CPED1: variants seen among roughly 807,000 people sequenced by gnomAD.
CPED1 encodes the protein cadherin-like and PC-esterase domain-containing protein 1.
A neutral mutation model predicts 128.2 loss-of-function variants in CPED1; 114 were observed. The observed-to-expected ratio is 0.89, with a 90% CI of 0.76 to 1.04. The LOEUF (loss-of-function observed/expected upper bound fraction) is 1.04. Ranked by LOEUF, CPED1 falls within the 50% of genes least tolerant of loss-of-function variation. The pLI, the probability that CPED1 is intolerant of heterozygous loss-of-function variation, is 0.00. For synonymous variants in CPED1, 462 were observed against 426.7 expected (o/e 1.08, Z -1.02); for missense variants, 1,211 against 1,207.1 (o/e 1.00, Z -0.05).
intron 16 of CPED1, among the ~76,000 whole-genome samples, chr7:121,180,170 T>C (rs998818904): frequency 2.6e-5 from 4 of 151,970 alleles, no homozygotes; most frequent in Non-Finnish European, 4.4e-5. Context: ...TTCCCAACAC[T>C]TGGGCAAACT....
chr7:121,271,441 T>C lies in CPED1; in HGVS notation c.2868+11T>C. 6.2e-7 allele frequency: 1 copy of C among 1,608,726 alleles called. No homozygotes were observed. The highest frequency in any genetic ancestry group is 8.5e-7 in the Non-Finnish European group (1 of 1,177,168). On this transcript the variant is annotated intron_variant, in intron 22 of 22. Coordinates refer to ENST00000310396, the MANE Select transcript of CPED1 (RefSeq NM_024913.5). ...TGTCATTTCCATGAGGTATTTATGC[T>C]GGCTATCTGAGTTTTATAGCTTTTG...
intron 7 of CPED1, among the ~76,000 whole-genome samples, chr7:121,115,434 AC>A (rs1416468286): frequency 1.3e-5 from 2 of 152,144 alleles, no homozygotes; most frequent in African/African-American, 4.8e-5. Flanking sequence ...TCTTTATTGT[AC>A]AACCAGAACT....
At chr7:121,110,998 G>C (rs1795094036) in intron 7 of CPED1, among the ~76,000 whole-genome samples, 1 of 152,152 alleles carries the variant, frequency 6.6e-6, no homozygotes, top group Non-Finnish European at 1.5e-5. Flanking sequence ...GAGGGTTCAA[G>C]GATGACTCTT....
chr7:121,120,087 TG>T (rs1361918694), intron 7 of CPED1, among the ~76,000 whole-genome samples: 1 of 152,260 alleles, frequency 6.6e-6, no homozygotes, highest in African/African-American at 2.4e-5. Context: ...TGCCTTCAAA[TG>T]TCAATAATGC....
chr7:121,002,335 CT>C (rs1791883104), intron 2 of CPED1, among the ~76,000 whole-genome samples: 1 of 152,130 alleles, frequency 6.6e-6, no homozygotes. Flanking sequence ...ACTACCCGAC[CT>C]TAGCAAAGCA....
At chr7:121,258,394 T>C (rs185591410) in intron 18 of CPED1, among the ~76,000 whole-genome samples, 8 of 152,112 alleles carry the variant, frequency 5.3e-5, no homozygotes, top group Admixed American at 4.6e-4. Context: ...AAAGTAGAGG[T>C]GGGCACTGGA....
intron 3 of CPED1, among the ~76,000 whole-genome samples, chr7:121,025,793 C>A (rs2116843252): frequency 6.6e-6 from 1 of 152,138 alleles, no homozygotes; most frequent in East Asian, 1.9e-4. Context: ...ATGCAATATC[C>A]CCCTCAGGAG....
At chr7:121,229,590 TTA>T (rs1323147033) in intron 16 of CPED1, among the ~76,000 whole-genome samples, 1 of 152,034 alleles carries the variant, frequency 6.6e-6, no homozygotes, top group Non-Finnish European at 1.5e-5. Context: ...TTTACAGTAC[TTA>T]TATATGGCAC....
At chr7:121,268,771 T>A (rs1792180440) in intron 21 of CPED1, among the ~76,000 whole-genome samples, 1 of 151,844 alleles carries the variant, frequency 6.6e-6, no homozygotes, top group Non-Finnish European at 1.5e-5. Flanking sequence ...CCCTGCTGCT[T>A]CTACTTGGAG....
chr7:121,110,713 A>G lies in CPED1; in HGVS notation c.918+10619A>G, dbSNP rs138413896. On this transcript the variant is annotated intron_variant, in intron 7 of 22. Transcript: ENST00000310396. ...AGGTAAGAAATTGAATTTTTTCCCT[A>G]TGGGCAAAGGGATGCCTCTAAAAGA... Among the ~76,000 whole-genome samples, 486 of 152,286 alleles carry G rather than the reference A, an allele frequency of 3.2e-3. 5 individuals are homozygous for G. The highest frequency in any genetic ancestry group is 0.011 in the African/African-American group (448 of 41,560).
At chr7:120,991,575 C>G (rs965682260) in intron 2 of CPED1, among the ~76,000 whole-genome samples, 1 of 152,190 alleles carries the variant, frequency 6.6e-6, no homozygotes, top group African/African-American at 2.4e-5. Flanking sequence ...GAACTTACAG[C>G]TTTCTTACTC....
Position 121,136,060 on chromosome 7 carries a change from A to G in CPED1, c.1669A>G (p.Asn557Asp). ...NKKAAVPQIK[N>D]ENKEIHCSDD... is the part of the protein sequence containing the mutation. ...TTTAGCTGCAGTTCCACAAATTAAA[A>G]ATGAAAATAAAGAAATACATTGCAG... The change falls in exon 14 of 23, where the codon AAT becomes GAT. Residue 557 changes from asparagine (N) to aspartate (D), a missense_variant. Coordinates refer to ENST00000310396, the MANE Select transcript of CPED1 (RefSeq NM_024913.5). 1.3e-6 allele frequency: 2 copies of G among 1,546,184 alleles called. No homozygotes were observed. The highest frequency in any genetic ancestry group is 1.7e-6 in the Non-Finnish European group (2 of 1,155,064).
At chr7:121,103,558 A>G (rs1381642962) in intron 7 of CPED1, among the ~76,000 whole-genome samples, 1 of 152,180 alleles carries the variant, frequency 6.6e-6, no homozygotes. Flanking sequence ...GAAAAAATAC[A>G]CAGAAACTTC....
At chr7:121,134,887 A>G (rs12706318) in intron 13 of CPED1, among the ~76,000 whole-genome samples, 50,625 of 151,818 alleles carry the variant, frequency 0.33, 8,853 homozygotes, top group Middle Eastern at 0.49. Context: ...TTACTTCTAA[A>G]TGTTCATTTT....
At chr7:121,282,665 A>C (rs1239913334) in intron 22 of CPED1, among the ~76,000 whole-genome samples, 1 of 152,232 alleles carries the variant, frequency 6.6e-6, no homozygotes, top group Non-Finnish European at 1.5e-5. Flanking sequence ...TCAAAGGAAT[A>C]ATAGCTGTGT....
intron 16 of CPED1, among the ~76,000 whole-genome samples, chr7:121,149,049 G>A (rs1386797602): frequency 6.6e-6 from 1 of 152,104 alleles, no homozygotes; most frequent in Non-Finnish European, 1.5e-5. Context: ...TGGGCTGTCG[G>A]CGTTCTTTCA....
At chr7:121,254,134 A>T (rs1798750670) in intron 18 of CPED1, among the ~76,000 whole-genome samples, 1 of 152,098 alleles carries the variant, frequency 6.6e-6, no homozygotes. Context: ...CACAGAACAT[A>T]TTCTAAGATT....
At position 121,130,275 on chromosome 7, in the gene CPED1, C is replaced by G. The variant is rs1584534640; in HGVS notation, c.1558C>G (p.Gln520Glu). 6.2e-7 allele frequency: 1 copy of G among 1,602,264 alleles called. No individual in the cohort carries two copies. The highest frequency in any genetic ancestry group is 1.7e-4 in the Middle Eastern group (1 of 6,032). The change falls in exon 12 of 23, where the codon CAG (glutamine) becomes GAG (glutamate). Residue 520 changes from glutamine to glutamate, a missense_variant. Transcript: ENST00000310396. ...ATTTCAGTTCATGAATAAAAAGACA[C>G]AGCCACATCCACTGGAATGGTAAGA... is the stretch of plus-strand genomic sequence containing the variant. ...EQFQFMNKKT[Q>E]PHPLEWNSFT...
chr7:121,173,441 T>C (rs1330072974), intron 16 of CPED1, among the ~76,000 whole-genome samples: 2 of 152,140 alleles, frequency 1.3e-5, no homozygotes, highest in Non-Finnish European at 1.5e-5. Context: ...GTATCTATTG[T>C]TCCTCTCTTT....
Sources: gnomAD v4.1 joint callset for allele counts (sites outside exome capture counted in the v4.1 genomes callset) on GRCh38, gnomAD v4.1.1 for gene constraint, MANE v1.5 for transcripts, NCBI Gene and HGNC (gene_info 2026-07-23, HGNC 2026-07-21) for gene names.